Variants in CRK observed in about 807,000 individuals in gnomAD.
CRK encodes the protein adapter molecule crk.
Under a neutral mutation model 29.8 loss-of-function variants are expected in CRK, and 4 were observed. The observed-to-expected ratio is 0.13, with a 90% CI of 0.07 to 0.31. The LOEUF is 0.31. CRK is among the 10% of genes least tolerant of loss of function. The pLI, the probability that CRK is intolerant of heterozygous loss-of-function variation, is 1.00. For synonymous variants in CRK, 153 were observed against 164.9 expected (o/e 0.93, Z 0.55); for missense variants, 274 against 396.5 (o/e 0.69, Z 2.62).
intron 1 of CRK, among the ~76,000 whole-genome samples, chr17:1,437,820 ATT>A (rs34817166): frequency 1.6e-4 from 22 of 136,712 alleles, no homozygotes; most frequent in African/African-American, 3.5e-4. Flanking sequence ...TGACAAGCTA[ATT>A]TTTTTTTTTT....
rs1405264443 is a variant in CRK at position 1,455,870 on chromosome 17, C to T, written c.241+7G>A. On this transcript the variant is annotated splice_region_variant and intron_variant, in intron 1 of 2. Coordinates refer to ENST00000300574, the MANE Select transcript of CRK (RefSeq NM_016823.4). Reference sequence around the variant, plus strand: ...GCCCAGGGCCCGCCGTCCCGTCAGTCCCTCACCGGGCGGAGGCTGGGCGGG... The same window carrying T: ...GCCCAGGGCCCGCCGTCCCGTCAGTTCCTCACCGGGCGGAGGCTGGGCGGG... 6.4e-7 allele frequency: 1 copy of T among 1,574,152 alleles called. No homozygotes were observed. Among genetic ancestry groups the T allele is most frequent in the Non-Finnish European group, 8.6e-7 (1 of 1,163,312 alleles).
At chr17:1,431,897 G>C (rs2073847931) in intron 2 of CRK, among the ~76,000 whole-genome samples, 1 of 152,180 alleles carries the variant, frequency 6.6e-6, no homozygotes, top group South Asian at 2.1e-4. Flanking sequence ...AGTAATAACA[G>C]TAGTTCTAAC....
At chr17:1,425,280 G>A (rs1158729553) in intron 2 of CRK, among the ~76,000 whole-genome samples, 7 of 151,424 alleles carry the variant, frequency 4.6e-5, no homozygotes, top group African/African-American at 1.5e-4. Flanking sequence ...GTTTAGTAGA[G>A]ATGGGGTTTC....
rs893657394 is a variant in CRK, at chr17:1,421,593, G to C, written c.*1920C>G. On this transcript the variant is annotated 3_prime_UTR_variant, in exon 3 of 3. Coordinates refer to ENST00000300574, the MANE Select transcript of CRK (RefSeq NM_016823.4). ...TAAAATACATTAAATTAGCGTCAAC[G>C]CGTTAGTCTGCTTGCGGCCATGTAC... is the stretch of plus-strand genomic sequence containing the variant. The C allele has an allele frequency of 3.3e-5, 5 of 152,120 alleles. No individual in the cohort carries two copies. Among genetic ancestry groups the C allele is most frequent in the African/African-American group, 4.8e-5 (2 of 41,416 alleles). The allele number at this position is 152,120 out of a possible 1,614,324, so 9.4% of individuals were successfully genotyped here. A position where few individuals can be genotyped will look rare whatever the true frequency, so the allele number is the denominator to read the frequency against.
chr17:1,425,706 G>A (rs2073772470), intron 2 of CRK, among the ~76,000 whole-genome samples: 1 of 152,220 alleles, frequency 6.6e-6, no homozygotes, highest in East Asian at 1.9e-4. Context: ...CAGCCGCAGG[G>A]CCTCTTCCAG....
intron 2 of CRK, among the ~76,000 whole-genome samples, chr17:1,428,559 T>C (rs1251316818): frequency 2.2e-5 from 3 of 138,238 alleles, no homozygotes; most frequent in Non-Finnish European, 4.6e-5. Flanking sequence ...CGTCTCACTC[T>C]GTTGCCCTGG....
chr17:1,433,582 G>A lies in CRK; in HGVS notation c.777+3038C>T, dbSNP rs1455140988. Among the ~76,000 whole-genome samples the A allele has an allele frequency of 4.5e-5, 6 of 131,898 alleles. 1 individual carries two copies. Among genetic ancestry groups the A allele is most frequent in the Admixed American group, 4.5e-4 (5 of 11,108 alleles). 86.5% of individuals were successfully genotyped at this position (131,898 alleles called of 152,430 possible). ...TGCCCAGGCTGAAGTGCTATGGCAC[G>A]ATCTCAGCTCACTGAAATCTCTGCC... On this transcript the variant is annotated intron_variant, in intron 2 of 2. Coordinates refer to ENST00000300574, the MANE Select transcript of CRK (RefSeq NM_016823.4).
At chr17:1,424,510 T>A (rs1401998556) in intron 2 of CRK, 2 of 152,142 alleles carry the variant, frequency 1.3e-5, no homozygotes, top group African/African-American at 4.8e-5. Flanking sequence ...TCCTATCACC[T>A]CCTGACCCAG....
At chr17:1,438,407 G>T (rs1175339474) in intron 1 of CRK, among the ~76,000 whole-genome samples, 3 of 152,136 alleles carry the variant, frequency 2.0e-5, no homozygotes, top group Admixed American at 6.6e-5. Context: ...TGGGATTACA[G>T]GGATGAGCCA....
intron 1 of CRK, among the ~76,000 whole-genome samples, chr17:1,444,596 G>A (rs894281554): frequency 3.2e-4 from 8 of 24,874 alleles, no homozygotes; most frequent in Admixed American, 4.7e-4. Context: ...AAGCCGAAGC[G>A]GGGGGGGGGA....
rs532824832 is a variant in CRK at position 1,431,939 on chromosome 17, G to C, written c.777+4681C>G. 4.6e-5 allele frequency among the ~76,000 whole-genome samples: 7 copies of C among 152,034 alleles called. No homozygotes were observed. In the South Asian group the frequency reaches 1.2e-3, roughly 27 times the overall value. On this transcript the variant is annotated intron_variant, in intron 2 of 2. Transcript: ENST00000300574. ...GATTTCAAAATTCAAGTTATAAATA[G>C]GAAAGAAAAATCCTAATATGAATTA...
chr17:1,432,894 A>C (rs1487032475), intron 2 of CRK, among the ~76,000 whole-genome samples: 7 of 152,226 alleles, frequency 4.6e-5, no homozygotes, highest in Non-Finnish European at 1.0e-4. Context: ...ACCACAATCC[A>C]CAAAACACCT....
intron 1 of CRK, among the ~76,000 whole-genome samples, chr17:1,453,690 T>C (rs1428959712): frequency 3.3e-5 from 5 of 152,060 alleles, no homozygotes; most frequent in Non-Finnish European, 5.9e-5. Context: ...GCAGATCACC[T>C]GAGGTCAGGA....
At chr17:1,425,339 G>A (rs868715266) in intron 2 of CRK, among the ~76,000 whole-genome samples, 37 of 151,928 alleles carry the variant, frequency 2.4e-4, no homozygotes, top group Non-Finnish European at 3.7e-4. Flanking sequence ...TGATCCGCCC[G>A]CCTCGGCCTC....
At chr17:1,425,233 C>G (rs371989071) in intron 2 of CRK, among the ~76,000 whole-genome samples, 6 of 151,378 alleles carry the variant, frequency 4.0e-5, no homozygotes, top group South Asian at 2.1e-4. Context: ...GGGACTACAG[C>G]CGCCCGCCAC....
intron 1 of CRK, among the ~76,000 whole-genome samples, chr17:1,448,675 T>C (rs1323330234): frequency 8.0e-6 from 1 of 124,720 alleles, no homozygotes; most frequent in Non-Finnish European, 1.7e-5. Context: ...AGGTGCTCAA[T>C]AAAAAGCAAC....
rs556560428 is a variant in CRK at position 1,422,902 on chromosome 17, A to G, written c.*611T>C. The G allele has an allele frequency of 6.5e-5, 26 of 398,982 alleles. No individual in the cohort carries two copies. The highest frequency in any genetic ancestry group is 1.3e-4 in the Admixed American group (3 of 22,722). The allele number at this position is 398,982 out of a possible 1,614,324, so 24.7% of individuals were successfully genotyped here. A position where few individuals can be genotyped will look rare whatever the true frequency, so the allele number is the denominator to read the frequency against. On this transcript the variant is annotated 3_prime_UTR_variant, in exon 3 of 3. Coordinates refer to ENST00000300574, the MANE Select transcript of CRK (RefSeq NM_016823.4). ...CCTACTTACAGGTTTGGGGGACAAGAATGTCAAGGGCTAAAAGAATCCCAA... is the reference window on the plus strand; with the variant it reads ...CCTACTTACAGGTTTGGGGGACAAGGATGTCAAGGGCTAAAAGAATCCCAA...
At chr17:1,454,279 G>A (rs1308568366) in intron 1 of CRK, among the ~76,000 whole-genome samples, 1 of 152,140 alleles carries the variant, frequency 6.6e-6, no homozygotes, top group African/African-American at 2.4e-5. Context: ...GGTGGCTCTT[G>A]CCTGTAATCC....
rs995415503 is a variant in CRK, at chr17:1,425,197, C to G, written c.778-1547G>C. ...CTCTGCCTCCCGGGTTCACGCCATT[C>G]TCCTGCCTCAGCCTCCCTAGTAGCT... On this transcript the variant is annotated intron_variant, in intron 2 of 2. Transcript: ENST00000300574. 2.0e-5 allele frequency among the ~76,000 whole-genome samples: 3 copies of G among 151,896 alleles called. 1 individual carries two copies. The highest frequency in any genetic ancestry group is 7.2e-5 in the African/African-American group (3 of 41,432).
Sources: allele counts gnomAD v4.1 joint callset (sites outside exome capture counted in the v4.1 genomes callset), GRCh38; gene constraint gnomAD v4.1.1; transcripts MANE v1.5; gene names NCBI Gene and HGNC (gene_info 2026-07-23, HGNC 2026-07-21).